The following PLA2G6 variants were observed in gnomAD, a reference collection of about 807,000 sequenced individuals.
The protein encoded by PLA2G6 is 85/88 kDa calcium-independent phospholipase A2.
In PLA2G6, 62 loss-of-function variants were observed where a neutral mutation model predicts 83.8. That is an observed-to-expected ratio of 0.74 (90% CI 0.60 to 0.91). The LOEUF (loss-of-function observed/expected upper bound fraction) is 0.91, where lower values mean the gene tolerates loss of function less well. Among genes scored for constraint, PLA2G6 ranks in the 40% least tolerant of loss-of-function variants. The pLI, the probability that PLA2G6 is intolerant of heterozygous loss-of-function variation, is 0.00. For synonymous variants in PLA2G6, 417 were observed against 449.8 expected, an observed-to-expected ratio of 0.93 and a Z score of 0.92; for missense variants, 944 against 1,102.0, an observed-to-expected ratio of 0.86 and a Z score of 2.03.
chr22:38,155,633 T>A (rs2145873962), intron 2 of PLA2G6, among the ~76,000 whole-genome samples: 1 of 152,288 alleles, frequency 6.6e-6, no homozygotes, highest in Middle Eastern at 3.4e-3. Context: ...TTATAAGATA[T>A]TATTTGCAAG....
rs1380720029 is a variant in PLA2G6, at chr22:38,121,146, G to C, written c.1592-237C>G. The C allele has an allele frequency of 2.7e-5, 13 of 474,504 alleles. No homozygotes were observed. In the East Asian group the frequency reaches 5.3e-4, roughly 19 times the overall value. 29.4% of individuals were successfully genotyped at this position (474,504 alleles called of 1,614,324 possible). A position where few individuals can be genotyped will look rare whatever the true frequency, so the allele number is the denominator to read the frequency against. ...TAATCCCAGCACTTTGGGAGGCTGA[G>C]GCAGGTGGATCACTTGAGGTCAGGA... On this transcript the variant is annotated intron_variant, in intron 11 of 16. Coordinates refer to ENST00000332509, the MANE Select transcript of PLA2G6 (RefSeq NM_003560.4).
chr22:38,111,957 G>C lies in PLA2G6; in HGVS notation c.*204C>G. The C allele has an allele frequency of 4.8e-6, 3 of 625,318 alleles. No individual in the cohort carries two copies. Among genetic ancestry groups the C allele is most frequent in the East Asian group, 5.5e-5 (2 of 36,122 alleles). The allele number at this position is 625,318 out of a possible 1,614,324, so 38.7% of individuals were successfully genotyped here. ...GCTCTAGACTTTCCCAGCCTGGAAT[G>C]ACAGAAAGTGCTGGAAGGCGGGGTT... On this transcript the variant is annotated 3_prime_UTR_variant, in exon 17 of 17. Coordinates refer to ENST00000332509, the MANE Select transcript of PLA2G6 (RefSeq NM_003560.4).
chr22:38,156,675 G>A (rs559588152), intron 2 of PLA2G6, among the ~76,000 whole-genome samples: 7 of 152,074 alleles, frequency 4.6e-5, no homozygotes, highest in South Asian at 4.2e-4. Flanking sequence ...GGATGGTCTC[G>A]ATCTCCTGAC....
intron 1 of PLA2G6, among the ~76,000 whole-genome samples, chr22:38,170,047 A>C (rs1051518467): frequency 3.9e-5 from 6 of 151,990 alleles, no homozygotes; most frequent in South Asian, 2.1e-4. Flanking sequence ...AAAATACAAA[A>C]ATTAGCCAGA....
chr22:38,163,152 G>T (rs2090084335), intron 2 of PLA2G6, among the ~76,000 whole-genome samples: 1 of 152,194 alleles, frequency 6.6e-6, no homozygotes, highest in Non-Finnish European at 1.5e-5. Context: ...TCACGCTAGA[G>T]CAGTACCTGA....
chr22:38,121,744 C>T (rs187003570), intron 11 of PLA2G6, among the ~76,000 whole-genome samples: 124 of 152,304 alleles, frequency 8.1e-4, no homozygotes, highest in Admixed American at 2.2e-3. Context: ...AGAAATGGTC[C>T]CTGAAGAAGG....
chr22:38,113,344 C>G (rs566526904), intron 15 of PLA2G6, 143 bp downstream of exon 15: 36 of 825,652 alleles, frequency 4.4e-5, no homozygotes, highest in Non-Finnish European at 6.6e-5. Flanking sequence ...ACTGTGGACT[C>G]TCTCTCCCTC....
chr22:38,180,406 C>G (rs922913833), intron 1 of PLA2G6: 1 of 152,186 alleles, frequency 6.6e-6, no homozygotes, highest in African/African-American at 2.4e-5. Flanking sequence ...GCAACTCATG[C>G]GCCCTCTTTT....
At chr22:38,146,102 C>G (rs1317637457) in intron 2 of PLA2G6, 1 of 223,848 alleles carries the variant, frequency 4.5e-6, no homozygotes, top group Non-Finnish European at 9.1e-6. Flanking sequence ...GTGTTGTAAT[C>G]TCACCTCACT....
intron 15 of PLA2G6, 36 bp downstream of exon 15, chr22:38,113,451 T>C: frequency 2.5e-6 from 4 of 1,607,696 alleles, no homozygotes; most frequent in Non-Finnish European, 2.6e-6. Flanking sequence ...CTACAGACCC[T>C]GAGGGAAGTG....
chr22:38,176,664 C>T (rs981479122), intron 1 of PLA2G6, among the ~76,000 whole-genome samples: 17 of 152,182 alleles, frequency 1.1e-4, no homozygotes, highest in South Asian at 4.1e-4. Context: ...CACCGGCCTC[C>T]GTCCTCTCAC....
At chr22:38,144,624 C>G (rs1331771763) in intron 3 of PLA2G6, 1 of 124,216 alleles carries the variant, frequency 8.1e-6, no homozygotes, top group African/African-American at 3.2e-5. Context: ...CAGAGCGAGA[C>G]TCCGTCTCAA....
intron 5 of PLA2G6, chr22:38,135,424 C>A (rs945455238): frequency 2.9e-6 from 1 of 339,144 alleles, no homozygotes; most frequent in African/African-American, 2.1e-5. Context: ...AGAGGAGTGG[C>A]TGGGGTGTAA....
chr22:38,158,918 G>A (rs928042055), intron 2 of PLA2G6, among the ~76,000 whole-genome samples: 1 of 152,188 alleles, frequency 6.6e-6, no homozygotes, highest in Non-Finnish European at 1.5e-5. Flanking sequence ...AAAGCGGCTT[G>A]CCAGGCACAC....
chr22:38,112,090 A>G lies in PLA2G6; in HGVS notation c.*71T>C. ...TGGGCCCAGATCTGCCCGGGAGGGC[A>G]GTGGCTGGGCTTGGCCTGGCAGGGG... On this transcript the variant is annotated 3_prime_UTR_variant, in exon 17 of 17. Coordinates refer to ENST00000332509, the MANE Select transcript of PLA2G6 (RefSeq NM_003560.4). 6.6e-7 allele frequency: 1 copy of G among 1,516,282 alleles called. No individual in the cohort carries two copies. Among genetic ancestry groups the G allele is most frequent in the Non-Finnish European group, 9.0e-7 (1 of 1,116,796 alleles). The allele number at this position is 1,516,282 out of a possible 1,614,324, so 93.9% of individuals were successfully genotyped here. A position where few individuals can be genotyped will look rare whatever the true frequency, so the allele number is the denominator to read the frequency against.
At chr22:38,144,900 T>TG (rs1158710436) in intron 3 of PLA2G6, 4 of 290,256 alleles carry the variant, frequency 1.4e-5, no homozygotes, top group Admixed American at 4.1e-5. Flanking sequence ...CGATACCTTG[T>TG]GGGGGTTGGG....
Position 38,115,548 on chromosome 22 carries a change from G to A in PLA2G6, c.2013C>T (p.Tyr671=). 1 of 1,613,566 alleles carries A rather than the reference G, an allele frequency of 6.2e-7. No individual in the cohort carries two copies. The highest frequency in any genetic ancestry group is 1.7e-4 in the Middle Eastern group (1 of 6,042). The change falls in exon 14 of 17, where the codon TAC becomes TAT. Residue 671 remains tyrosine (Y), a synonymous_variant. Transcript: ENST00000332509. ...TLDAMTEIHE[Y]NQDLIRKGQA... is the part of the protein sequence containing the mutation. ...TCACCTTGCGGATCAGGTCCTGATT[G>A]TACTCATGGATCTCGGTCATGGCAT...
chr22:38,170,012 A>G (rs1430693770), intron 1 of PLA2G6, among the ~76,000 whole-genome samples: 2 of 152,154 alleles, frequency 1.3e-5, no homozygotes, highest in African/African-American at 4.8e-5. Flanking sequence ...AGCCTGGCCA[A>G]CATGGCGAAA....
At chr22:38,143,564 A>G in intron 3 of PLA2G6, 1 of 549,376 alleles carries the variant, frequency 1.8e-6, no homozygotes, top group South Asian at 1.9e-5. Context: ...GGCACAGGAA[A>G]GGGTCACAGA....
Sources: allele counts gnomAD v4.1 joint callset (sites outside exome capture counted in the v4.1 genomes callset), GRCh38; gene constraint gnomAD v4.1.1; transcripts MANE v1.5; gene names NCBI Gene and HGNC (gene_info 2026-07-23, HGNC 2026-07-21).